PTK7: variants seen among roughly 807,000 people sequenced by gnomAD.
PTK7 encodes inactive tyrosine-protein kinase 7.
A neutral mutation model predicts 116.6 loss-of-function variants in PTK7; 39 were observed. The observed-to-expected ratio is 0.33, with a 90% CI of 0.26 to 0.44. PTK7 has a LOEUF of 0.44. Ranked by LOEUF, PTK7 falls within the 20% of genes least tolerant of loss-of-function variation. The probability of loss-of-function intolerance (pLI) is 1.00; values close to 1 mark genes in which losing one functional copy is unlikely to be tolerated. For synonymous variants in PTK7, 546 were observed against 563.6 expected (o/e 0.97, Z 0.44); for missense variants, 1,169 against 1,425.6 (o/e 0.82, Z 2.90).
chr6:43,123,346 G>A lies in PTK7; in HGVS notation c.80-5631G>A, dbSNP rs191869365. Among the ~76,000 whole-genome samples the A allele has an allele frequency of 4.4e-3, 665 of 152,284 alleles. 6 individuals are homozygous for A. The highest frequency in any genetic ancestry group is 6.6e-3 in the Non-Finnish European group (447 of 68,022). ...TTCTGAGGCCTATATAGGTCCTGGGGGTGTTTTTCCTAAACCAGGAGTTCT... is the reference window on the plus strand; with the variant it reads ...TTCTGAGGCCTATATAGGTCCTGGGAGTGTTTTTCCTAAACCAGGAGTTCT... On this transcript the variant is annotated intron_variant, in intron 1 of 19. Transcript: ENST00000230419.
At chr6:43,103,041 G>A (rs1391129251) in intron 1 of PTK7, among the ~76,000 whole-genome samples, 1 of 152,180 alleles carries the variant, frequency 6.6e-6, no homozygotes, top group African/African-American at 2.4e-5. Context: ...ACTACAATCA[G>A]TGAGAGAACT....
In PTK7 at chr6:43,132,450, C is replaced by T. The variant is rs766748291; in HGVS notation, c.991C>T (p.Arg331Trp). ...TGAAGACATGCCGCTATTTGAGCCA[C>T]GGGTGTTTACAGCTGGCAGCGAGGA... is the stretch of plus-strand genomic sequence containing the variant. ...EIEDMPLFEP[R>W]VFTAGSEERV... The change falls in exon 7 of 20, where the codon CGG becomes TGG. Residue 331 changes from arginine to tryptophan, a missense_variant. Coordinates refer to ENST00000230419, the MANE Select transcript of PTK7 (RefSeq NM_002821.5). 6.3e-6 allele frequency: 10 copies of T among 1,588,684 alleles called. No individual in the cohort carries two copies. Among genetic ancestry groups the T allele is most frequent in the South Asian group, 1.1e-5 (1 of 88,916 alleles).
At chr6:43,130,143 G>A in intron 3 of PTK7, 87 bp from the exon 4 acceptor site, 3 of 1,358,050 alleles carry the variant, frequency 2.2e-6, no homozygotes, top group Non-Finnish European at 3.0e-6. Context: ...AAACTGAAAG[G>A]TCTAGCCCTG....
At chr6:43,126,115 C>T (rs967973049) in intron 1 of PTK7, among the ~76,000 whole-genome samples, 1 of 151,990 alleles carries the variant, frequency 6.6e-6, no homozygotes, top group African/African-American at 2.4e-5. Context: ...AGGTCAGGAG[C>T]TCGAGACTAG....
chr6:43,076,637 CG>C lies in PTK7; in HGVS notation c.79+74del. The C allele has an allele frequency of 6.7e-7, 1 of 1,493,454 alleles. No homozygotes were observed. The highest frequency in any genetic ancestry group is 9.0e-7 in the Non-Finnish European group (1 of 1,117,102). 92.5% of individuals were successfully genotyped at this position (1,493,454 alleles called of 1,614,324 possible). The stretch of plus-strand genomic sequence containing the variant: ...AGTCCCGTGGGCAAAAGGCTGCGCC[CG>C]GGGCGGTGGGTTTGGGCGGCTGGAA... On this transcript the variant is annotated intron_variant, in intron 1 of 19. Transcript: ENST00000230419. The surrounding 1 kb of genome is among the most constrained non-coding windows in gnomAD (Gnocchi z 5.7).
At position 43,139,104 on chromosome 6, in the gene PTK7, T is replaced by TCAGG. The variant is rs1239959471; in HGVS notation, c.1363-30_1363-27dup. ...CCTCCAGGGAGAGGTGGGTGTGGGT[T>TCAGG]CAGGCTCTGAGGCCTCTCACCTGTG... On this transcript the variant is annotated intron_variant, in intron 8 of 19. Transcript: ENST00000230419. The surrounding 1 kb of genome is among the most constrained non-coding windows in gnomAD (Gnocchi z 4.6). The TCAGG allele has an allele frequency of 1.9e-6, 3 of 1,613,402 alleles. No individual in the cohort carries two copies. Among genetic ancestry groups the TCAGG allele is most frequent in the Non-Finnish European group, 1.7e-6 (2 of 1,179,504 alleles).
intron 1 of PTK7, among the ~76,000 whole-genome samples, chr6:43,092,415 T>G (rs1052444970): frequency 1.3e-5 from 2 of 149,980 alleles, no homozygotes; most frequent in South Asian, 4.2e-4. Flanking sequence ...ATCCTCCTAC[T>G]ACCTCAGCCT....
Position 43,129,630 on chromosome 6 carries a change from C to G in PTK7, c.368-97C>G. 1 of 1,087,252 alleles carries G rather than the reference C, an allele frequency of 9.2e-7. No homozygotes were observed. The highest frequency in any genetic ancestry group is 1.4e-6 in the Non-Finnish European group (1 of 714,852). The allele number at this position is 1,087,252 out of a possible 1,614,324, so 67.4% of individuals were successfully genotyped here. A position where few individuals can be genotyped will look rare whatever the true frequency, so the allele number is the denominator to read the frequency against. ...TTCCTTGTGTCTGTTGGCACAGAGC[C>G]TCGAGGTTCCACGGCTTCCTGCTTG... On this transcript the variant is annotated intron_variant, in intron 2 of 19. Coordinates refer to ENST00000230419, the MANE Select transcript of PTK7 (RefSeq NM_002821.5). The surrounding 1 kb of genome is among the most constrained non-coding windows in gnomAD (Gnocchi z 4.5).
chr6:43,082,009 C>G (rs766828686), intron 1 of PTK7, among the ~76,000 whole-genome samples: 3 of 152,042 alleles, frequency 2.0e-5, no homozygotes, highest in Non-Finnish European at 4.4e-5. Flanking sequence ...GGGTAAGCAC[C>G]GCTACGTATG....
rs112037642 is a variant in PTK7, at chr6:43,141,396, G to T, written c.1619-272G>T. Among the ~76,000 whole-genome samples, 354 of 152,246 alleles carry T rather than the reference G, an allele frequency of 2.3e-3. 5 individuals carry two copies. The highest frequency in any genetic ancestry group is 7.7e-3 in the African/African-American group (320 of 41,534). ...GGAGGGAGAAGTGATGGGCAGCGGA[G>T]TAGGAACAGGGCCGATCTGGGCCCA... is the stretch of plus-strand genomic sequence containing the variant. On this transcript the variant is annotated intron_variant, in intron 10 of 19. Transcript: ENST00000230419. The surrounding 1 kb of genome is among the most constrained non-coding windows in gnomAD (Gnocchi z 4.9).
At chr6:43,091,681 A>C (rs1269299583) in intron 1 of PTK7, among the ~76,000 whole-genome samples, 1 of 152,206 alleles carries the variant, frequency 6.6e-6, no homozygotes, top group East Asian at 1.9e-4. Context: ...CCATGGTCAA[A>C]AAATATTAAA....
chr6:43,099,194 AAG>A (rs1450795706), intron 1 of PTK7, among the ~76,000 whole-genome samples: 6 of 151,544 alleles, frequency 4.0e-5, no homozygotes, highest in Admixed American at 3.3e-4. Flanking sequence ...AAGAAAAAAA[AAG>A]AGGCTTTAAT....
intron 1 of PTK7, among the ~76,000 whole-genome samples, chr6:43,126,077 T>C (rs1197291936): frequency 2.0e-5 from 3 of 152,148 alleles, no homozygotes; most frequent in African/African-American, 7.2e-5. Flanking sequence ...CCCAGCACTT[T>C]AGGAGGCCGA....
chr6:43,111,571 A>G (rs951387526), intron 1 of PTK7, among the ~76,000 whole-genome samples: 1 of 152,228 alleles, frequency 6.6e-6, no homozygotes, highest in African/African-American at 2.4e-5. Flanking sequence ...AATACTTCCT[A>G]TGTGCCAGGC....
intron 1 of PTK7, among the ~76,000 whole-genome samples, chr6:43,120,821 C>T (rs1768911654): frequency 6.6e-6 from 1 of 152,128 alleles, no homozygotes; most frequent in African/African-American, 2.4e-5. Flanking sequence ...TGTATCAAAC[C>T]AGAACCCAGG....
In PTK7 at chr6:43,076,968, C is replaced by G; in HGVS notation, c.79+401C>G. 1 of 1,509,668 alleles carries G rather than the reference C, an allele frequency of 6.6e-7. No homozygotes were observed. The highest frequency in any genetic ancestry group is 1.4e-5 in the African/African-American group (1 of 72,436). 93.5% of individuals were successfully genotyped at this position (1,509,668 alleles called of 1,614,324 possible). ...GGAGAAAAAGGAATTCCCCACCCCACCCGGCAGGGTCGGCCCAGGTAAGAG... is the reference window on the plus strand; with the variant it reads ...GGAGAAAAAGGAATTCCCCACCCCAGCCGGCAGGGTCGGCCCAGGTAAGAG... On this transcript the variant is annotated intron_variant, in intron 1 of 19. Transcript: ENST00000230419. The surrounding 1 kb of genome is among the most constrained non-coding windows in gnomAD (Gnocchi z 5.7).
chr6:43,083,658 T>G (rs530469442), intron 1 of PTK7, among the ~76,000 whole-genome samples: 91 of 152,288 alleles, frequency 6.0e-4, no homozygotes, highest in Admixed American at 1.3e-3. Flanking sequence ...ACAGGCGCCT[T>G]TCCCCTCTCG....
chr6:43,129,319 G>A lies in PTK7; in HGVS notation c.367+55G>A. The A allele has an allele frequency of 6.3e-7, 1 of 1,593,052 alleles. No individual in the cohort carries two copies. The highest frequency in any genetic ancestry group is 8.6e-7 in the Non-Finnish European group (1 of 1,164,958). On this transcript the variant is annotated intron_variant, in intron 2 of 19. Transcript: ENST00000230419. The surrounding 1 kb of genome is among the most constrained non-coding windows in gnomAD (Gnocchi z 4.5). ...CCCTGTCAGACCCTCAATGACTGAG[G>A]CCTGGGGGATCCCTCCCTTACCTCA...
intron 1 of PTK7, among the ~76,000 whole-genome samples, chr6:43,108,621 C>T (rs550564963): frequency 2.6e-5 from 4 of 152,224 alleles, no homozygotes; most frequent in East Asian, 1.9e-4. Flanking sequence ...AGGCTGGTCT[C>T]GAACTCCTGG....
Sources: gnomAD v4.1 joint callset for allele counts (sites outside exome capture counted in the v4.1 genomes callset) on GRCh38, gnomAD v4.1.1 for gene constraint, Gnocchi (gnomAD v3.1) non-coding constraint, MANE v1.5 for transcripts, NCBI Gene and HGNC (gene_info 2026-07-23, HGNC 2026-07-21) for gene names.